Variants in PCDHA1 observed in about 807,000 individuals in gnomAD.
PCDHA1 encodes protocadherin alpha 1.
A neutral mutation model predicts 61.3 loss-of-function variants in PCDHA1; 42 were observed. The ratio of observed to expected loss-of-function variants is 0.69; its 90% CI spans 0.54 to 0.89. The LOEUF is 0.89. PCDHA1 is among the 40% of genes least tolerant of loss of function. The probability of loss-of-function intolerance (pLI) is 0.00; values close to 1 mark genes in which losing one functional copy is unlikely to be tolerated. For missense variants in PCDHA1, 1,256 were observed against 1,235.3 expected, an observed-to-expected ratio of 1.02 and a Z score of -0.25; for synonymous variants, 610 against 553.8, an observed-to-expected ratio of 1.10 and a Z score of -1.43.
Position 140,787,505 on chromosome 5 carries a change from C to G in PCDHA1, c.1215C>G (p.Tyr405Ter). 6.2e-7 allele frequency: 1 copy of G among 1,614,226 alleles called. No homozygotes were observed. Among genetic ancestry groups the G allele is most frequent in the Non-Finnish European group, 8.5e-7 (1 of 1,180,042 alleles). ...TGGTGTCCACCTTCAAGAATTACTA[C>G]TCGTTGGTGTTGGACAGCGCCCTGG... ...FKLVSTFKNY[Y>*]SLVLDSALDR... is the part of the protein sequence containing the mutation. The change falls in exon 1 of 4, where the codon TAC (tyrosine) becomes TAG (stop). Residue 405 changes from tyrosine to a stop codon, truncating the protein, a stop_gained. Transcript: ENST00000504120. LOFTEE classifies it high-confidence loss of function.
At chr5:140,972,797 G>A (rs1563419152) in intron 1 of PCDHA1, among the ~76,000 whole-genome samples, 3 of 151,664 alleles carry the variant, frequency 2.0e-5, no homozygotes, top group Admixed American at 2.0e-4. Flanking sequence ...CTGAGTAGCT[G>A]AGATTACAGG....
At chr5:140,849,106 A>C (rs2150430593) in intron 1 of PCDHA1, 1 of 1,455,018 alleles carries the variant, frequency 6.9e-7, no homozygotes, top group South Asian at 1.2e-5. Flanking sequence ...GACAGAGAAG[A>C]AACTCCGGAG....
In PCDHA1 at chr5:140,796,905, AC is replaced by A. The variant is rs1762156200; in HGVS notation, c.2394+8222del. On this transcript the variant is annotated intron_variant, in intron 1 of 3. Coordinates refer to ENST00000504120, the MANE Select transcript of PCDHA1 (RefSeq NM_018900.4). ...AGGCTGACTCCCCTCGACACCGCCTACTCGTGCTGGTGAAGGACCACGGCGA... is the reference window on the plus strand; with the variant it reads ...AGGCTGACTCCCCTCGACACCGCCTATCGTGCTGGTGAAGGACCACGGCGA... 3 of 1,613,752 alleles carry A rather than the reference AC, an allele frequency of 1.9e-6. No individual in the cohort carries two copies. The African/African-American group carries it at 4.0e-5, about 22-fold the overall frequency.
chr5:140,829,627 G>A, intron 1 of PCDHA1: 1 of 1,612,248 alleles, frequency 6.2e-7, no homozygotes, highest in Non-Finnish European at 8.5e-7. Context: ...CGGTGCACGC[G>A]GAGAGCGGCA....
intron 1 of PCDHA1, chr5:140,861,215 A>G (rs77020201): frequency 0.081 from 13,442 of 165,830 alleles, 594 homozygotes; most frequent in Middle Eastern, 0.11. Flanking sequence ...TAACCAAAAG[A>G]GAGGCATAAT....
rs781980593 is a variant in PCDHA1, at chr5:140,788,394, A to G, written c.2104A>G (p.Ile702Val). The G allele has an allele frequency of 1.2e-6, 2 of 1,614,046 alleles. No homozygotes were observed. Among genetic ancestry groups the G allele is most frequent in the South Asian group, 1.1e-5 (1 of 91,084 alleles). ...ALVDVNVYLI[I>V]AICAVSSLLV... The stretch of plus-strand genomic sequence containing the variant: ...GGTGGATGTCAACGTGTACCTGATC[A>G]TCGCCATCTGCGCGGTGTCCAGCCT... The change falls in exon 1 of 4, where the codon ATC (isoleucine) becomes GTC (valine). Residue 702 changes from isoleucine to valine, a missense_variant. By Grantham distance (29) the Ile-to-Val change is conservative. Coordinates refer to ENST00000504120, the MANE Select transcript of PCDHA1 (RefSeq NM_018900.4).
chr5:140,852,885 A>ATTT, intron 1 of PCDHA1: 1 of 778,088 alleles, frequency 1.3e-6, no homozygotes, highest in Non-Finnish European at 1.6e-6. Context: ...CATAAAACGT[A>ATTT]TTTTTTTTTT....
At chr5:140,858,313 G>A (rs781800844) in intron 1 of PCDHA1, 1 of 1,597,108 alleles carries the variant, frequency 6.3e-7, no homozygotes, top group Non-Finnish European at 8.6e-7. Flanking sequence ...GGCGGCAGAG[G>A]GTGTGTTCTG....
intron 1 of PCDHA1, chr5:140,803,492 C>T: frequency 6.2e-7 from 1 of 1,614,212 alleles, no homozygotes; most frequent in Non-Finnish European, 8.5e-7. Context: ...AGGGGTTGCC[C>T]AAGACCGACC....
intron 1 of PCDHA1, among the ~76,000 whole-genome samples, chr5:140,919,543 T>C (rs2079190617): frequency 6.6e-6 from 1 of 152,200 alleles, no homozygotes; most frequent in Non-Finnish European, 1.5e-5. Context: ...ATACTTTTCA[T>C]TTACTGATTT....
chr5:140,906,486 A>C (rs2072686991), intron 1 of PCDHA1, among the ~76,000 whole-genome samples: 1 of 152,270 alleles, frequency 6.6e-6, no homozygotes, highest in East Asian at 1.9e-4. Context: ...GTATAAATGC[A>C]CAAACATGTT....
At chr5:140,860,617 A>G (rs2046479685) in intron 1 of PCDHA1, 1 of 152,238 alleles carries the variant, frequency 6.6e-6, no homozygotes, top group Non-Finnish European at 1.5e-5. Context: ...GAGAAACATA[A>G]ACATATGCAG....
At chr5:140,814,827 C>G (rs2126659222) in intron 1 of PCDHA1, 17 of 152,166 alleles carry the variant, frequency 1.1e-4, no homozygotes, top group Non-Finnish European at 2.2e-4. Context: ...CTATCTATTT[C>G]TCCATTTCTG....
At chr5:140,822,386 C>T (rs2150115913) in intron 1 of PCDHA1, 2 of 1,614,064 alleles carry the variant, frequency 1.2e-6, no homozygotes, top group East Asian at 4.5e-5. Context: ...AGAGAAGAAA[C>T]ACAAGAACAC....
chr5:140,852,584 T>G, intron 1 of PCDHA1: 1 of 824,250 alleles, frequency 1.2e-6, no homozygotes, highest in Non-Finnish European at 1.5e-6. Flanking sequence ...GCTTTTTTAT[T>G]TTTTTTTTTT....
intron 1 of PCDHA1, chr5:140,861,213 A>C: frequency 6.0e-6 from 1 of 166,518 alleles, no homozygotes; most frequent in Non-Finnish European, 1.3e-5. Flanking sequence ...ACTAACCAAA[A>C]GAGAGGCATA....
chr5:140,798,247 T>C (rs1315281866), intron 1 of PCDHA1, among the ~76,000 whole-genome samples: 1 of 152,192 alleles, frequency 6.6e-6, no homozygotes, highest in Non-Finnish European at 1.5e-5. Context: ...GCACAGGTTG[T>C]TACAACAAAA....
chr5:140,790,140 C>T (rs1761569976), intron 1 of PCDHA1, among the ~76,000 whole-genome samples: 1 of 152,122 alleles, frequency 6.6e-6, no homozygotes, highest in Non-Finnish European at 1.5e-5. Context: ...TAGCCTCTTC[C>T]TGCTACAAAA....
At chr5:140,875,236 C>G (rs2055366681) in intron 1 of PCDHA1, 2 of 889,228 alleles carry the variant, frequency 2.2e-6, no homozygotes, top group East Asian at 2.9e-5. Context: ...CTTTCTTGTA[C>G]TTACATAATC....
Sources: gnomAD v4.1 joint callset for allele counts (sites outside exome capture counted in the v4.1 genomes callset) on GRCh38, gnomAD v4.1.1 for gene constraint, MANE v1.5 for transcripts, NCBI Gene and HGNC (gene_info 2026-07-23, HGNC 2026-07-21) for gene names.